Variants in PRKAR1A observed in about 807,000 individuals in gnomAD.
PRKAR1A encodes protein kinase cAMP-dependent type I regulatory subunit alpha.
PRKAR1A carries 3 observed loss-of-function variants against 52.0 expected under a neutral mutation model. The ratio of observed to expected loss-of-function variants is 0.06; its 90% CI spans 0.03 to 0.15. The LOEUF is 0.15. PRKAR1A is among the 10% of genes least tolerant of loss of function. PRKAR1A has a pLI of 1.00. For synonymous variants in PRKAR1A, 188 were observed against 168.4 expected (o/e 1.12, Z -0.90); for missense variants, 240 against 477.4 (o/e 0.50, Z 4.63).
chr17:68,418,593 T>A, the PRKAR1A span, among the ~76,000 whole-genome samples: 1 of 152,250 alleles, frequency 6.6e-6, no homozygotes, highest in African/African-American at 2.4e-5. Flanking sequence ...ACCAGAAGGC[T>A]GAATCCTTAG....
At chr17:68,486,524 T>C in the PRKAR1A span, among the ~76,000 whole-genome samples, 794 of 117,214 alleles carry the variant, frequency 6.8e-3, 11 homozygotes, top group Middle Eastern at 0.017. Context: ...TTTCTTTCTT[T>C]CTTTCTTTCT....
At chr17:68,429,566 C>T in the PRKAR1A span, among the ~76,000 whole-genome samples, 1,029 of 152,166 alleles carry the variant, frequency 6.8e-3, 5 homozygotes, top group African/African-American at 0.019. Context: ...GGTTTGATTC[C>T]GCTCACCCTT....
At chr17:68,489,130 C>G in the PRKAR1A span, among the ~76,000 whole-genome samples, 1 of 135,656 alleles carries the variant, frequency 7.4e-6, no homozygotes. Context: ...GGTAGCTTTC[C>G]TAGGAGAAAT....
chr17:68,454,202 G>T, the PRKAR1A span, among the ~76,000 whole-genome samples: 2 of 152,204 alleles, frequency 1.3e-5, no homozygotes, highest in Non-Finnish European at 2.9e-5. Context: ...TCCTCACCCA[G>T]CTCTTTCCAG....
upstream of PRKAR1A, among the ~76,000 whole-genome samples, chr17:68,511,140 G>A (rs898041189): frequency 1.3e-5 from 2 of 152,162 alleles, no homozygotes; most frequent in African/African-American, 2.4e-5. Context: ...AGCCCTTGAA[G>A]TATATACAAT....
Position 68,540,973 on chromosome 17 carries a change from A to T in PRKAR1A, c.974-10111A>T, listed in dbSNP as rs202242731. ...TGACCTCCCACCTGAGGGGGAGAAG[A>T]AGTCCTGGGGCTGGAAAAGCCAAGA... is the stretch of plus-strand genomic sequence containing the variant. On this transcript the variant is annotated intron_variant, in intron 11 of 11. Coordinates refer to the PRKAR1A transcript ENST00000585981. 1.6e-5 allele frequency: 25 copies of T among 1,569,248 alleles called. No individual in the cohort carries two copies. Among genetic ancestry groups the T allele is most frequent in the African/African-American group, 1.1e-4 (8 of 74,226 alleles).
In PRKAR1A at chr17:68,522,892, A is replaced by G; in HGVS notation, c.314A>G (p.Tyr105Cys). 1 of 1,613,944 alleles carries G rather than the reference A, an allele frequency of 6.2e-7. No individual in the cohort carries two copies. The highest frequency in any genetic ancestry group is 8.5e-7 in the Non-Finnish European group (1 of 1,179,860). The change falls in exon 3 of 11, where the codon TAC (tyrosine) becomes TGC (cysteine). Residue 105 changes from tyrosine to cysteine, a missense_variant. Physicochemically the swap from Tyr to Cys is radical, Grantham distance 194. Transcript: ENST00000589228. Reference sequence around the variant, plus strand: ...CGAGGTGCTATCAGCGCTGAGGTCTACACGGAGGAAGATGCGGCATCCTAT... The same window carrying G: ...CGAGGTGCTATCAGCGCTGAGGTCTGCACGGAGGAAGATGCGGCATCCTAT... ...RRRGAISAEV[Y>C]TEEDAASYVR...
rs1307987878 is a variant in PRKAR1A at position 68,515,522 on chromosome 17, T to C, written c.123T>C (p.Ala41=). Residue 41 remains alanine (A), a synonymous_variant, in exon 2 of 11, where the codon GCT becomes GCC. Coordinates refer to ENST00000589228, the MANE Select transcript of PRKAR1A (RefSeq NM_002734.5). The part of the protein sequence containing the change: ...LKDSIVQLCT[A]RPERPMAFLR... ...ATTCTATTGTGCAGTTGTGCACTGC[T>C]CGACCTGAGAGACCCATGGCATTCC... 8 of 1,613,214 alleles carry C rather than the reference T, an allele frequency of 5.0e-6. No individual in the cohort carries two copies. The South Asian group carries it at 8.8e-5, about 18-fold the overall frequency.
chr17:68,421,589 G>T, the PRKAR1A span: 1 of 731,182 alleles, frequency 1.4e-6, no homozygotes, highest in Non-Finnish European at 2.3e-6. Context: ...CGCGCCCATT[G>T]GCAACCAGGG....
the PRKAR1A span, among the ~76,000 whole-genome samples, chr17:68,451,841 T>C: frequency 1.3e-5 from 2 of 152,246 alleles, no homozygotes; most frequent in Non-Finnish European, 2.9e-5. Context: ...ATGACCCTCC[T>C]GAGCACAAAG....
chr17:68,464,930 G>GGT, the PRKAR1A span, among the ~76,000 whole-genome samples: 7 of 143,120 alleles, frequency 4.9e-5, no homozygotes, highest in East Asian at 4.2e-4. Context: ...GGAAGTGTGG[G>GGT]TTTTTTTTTT....
At position 68,515,000 on chromosome 17, in the gene PRKAR1A, C is replaced by G. The variant is rs920370127; in HGVS notation, c.-6-394C>G. 2.7e-4 allele frequency: 75 copies of G among 276,226 alleles called. No homozygotes were observed. The Admixed American group carries it at 3.5e-3, about 13-fold the overall frequency. 17.1% of individuals were successfully genotyped at this position (276,226 alleles called of 1,614,324 possible). On this transcript the variant is annotated intron_variant, in intron 1 of 10. Transcript: ENST00000589228. ...TTTCGCTTACAGTTGACTTTTGTGC[C>G]CTGGTAATTCTGTATCCTGTTTACC... is the stretch of plus-strand genomic sequence containing the variant.
the PRKAR1A span, among the ~76,000 whole-genome samples, chr17:68,437,988 T>C: frequency 1.4e-5 from 2 of 142,892 alleles, no homozygotes; most frequent in Non-Finnish European, 3.0e-5. Flanking sequence ...CTGGCGTCTA[T>C]TACAAGTTAG....
intron 11 of PRKAR1A, among the ~76,000 whole-genome samples, chr17:68,540,393 G>A (rs952459793): frequency 6.6e-6 from 1 of 152,162 alleles, no homozygotes; most frequent in Non-Finnish European, 1.5e-5. Context: ...ACTTGCTTCC[G>A]ACCTAAGCTC....
chr17:68,480,172 G>T, the PRKAR1A span, among the ~76,000 whole-genome samples: 35,605 of 152,030 alleles, frequency 0.23, 4,409 homozygotes, highest in Non-Finnish European at 0.26. Context: ...AAATCCTAGG[G>T]TTTTCCCCTT....
the PRKAR1A span, chr17:68,422,055 GTA>G: frequency 1.8e-6 from 1 of 553,756 alleles, no homozygotes; most frequent in Non-Finnish European, 3.2e-6. Context: ...GTGTGTGTGT[GTA>G]TGTATTTATA....
the PRKAR1A span, among the ~76,000 whole-genome samples, chr17:68,499,719 T>C: frequency 6.6e-6 from 1 of 152,252 alleles, no homozygotes; most frequent in Non-Finnish European, 1.5e-5. Context: ...GTTGGTCCTC[T>C]AGAGTTAAGA....
the PRKAR1A span, among the ~76,000 whole-genome samples, chr17:68,456,679 AAG>A: frequency 4.1e-4 from 62 of 152,320 alleles, no homozygotes; most frequent in African/African-American, 1.3e-3. Context: ...CGCCCGGGAA[AAG>A]AGTCTTGGAC....
chr17:68,540,533 T>C (rs1224870428), intron 11 of PRKAR1A: 2 of 495,884 alleles, frequency 4.0e-6, no homozygotes, highest in Admixed American at 2.3e-5. Context: ...TTGTGTACTT[T>C]CTTCCCTTCC....
Sources: gnomAD v4.1 joint callset for allele counts (sites outside exome capture counted in the v4.1 genomes callset) on GRCh38, gnomAD v4.1.1 for gene constraint, MANE v1.5 for transcripts, NCBI Gene and HGNC (gene_info 2026-07-23, HGNC 2026-07-21) for gene names.